SSPN: variants seen among roughly 807,000 people sequenced by gnomAD.
SSPN encodes sarcospan, also known as K-ras oncogene-associated protein.
Under a neutral mutation model 19.1 loss-of-function variants are expected in SSPN, and 15 were observed. That is an observed-to-expected ratio of 0.78 (90% CI 0.52 to 1.21). The LOEUF is 1.21. Among genes scored for constraint, SSPN ranks in the 50% most tolerant of loss-of-function variants. The pLI is 0.00. For missense variants in SSPN, 291 were observed against 314.0 expected (o/e 0.93, Z 0.55); for synonymous variants, 147 against 140.3 (o/e 1.05, Z -0.34).
chr12:26,124,732 A>T, intron 1 of SSPN: 1 of 1,614,184 alleles, frequency 6.2e-7, no homozygotes, highest in Non-Finnish European at 8.5e-7. Context: ...TAAAATCTCT[A>T]TGTTCCAGTA....
At chr12:26,140,309 T>C (rs868468312) in intron 1 of SSPN, among the ~76,000 whole-genome samples, 1 of 152,242 alleles carries the variant, frequency 6.6e-6, no homozygotes, top group Non-Finnish European at 1.5e-5. Context: ...AATTGAGCTC[T>C]GATTTTAAGG....
intron 1 of SSPN, among the ~76,000 whole-genome samples, chr12:26,213,867 G>A (rs183419250): frequency 3.3e-5 from 5 of 152,132 alleles, no homozygotes; most frequent in Middle Eastern, 3.4e-3. Context: ...TTTGTTTATG[G>A]TCTGCCTCTC....
intron 1 of SSPN, among the ~76,000 whole-genome samples, chr12:26,136,187 G>A (rs1360116531): frequency 1.3e-5 from 2 of 152,324 alleles, no homozygotes; most frequent in South Asian, 4.1e-4. Context: ...AAGTGTATGG[G>A]ATGACGTGTG....
intron 1 of SSPN, among the ~76,000 whole-genome samples, chr12:26,178,125 GT>G (rs1409415038): frequency 6.6e-6 from 1 of 152,204 alleles, no homozygotes; most frequent in Non-Finnish European, 1.5e-5. Context: ...AGAAAGCAAT[GT>G]GACTAGGGCA....
At chr12:26,159,070 G>C (rs1944572558) in intron 1 of SSPN, among the ~76,000 whole-genome samples, 1 of 152,244 alleles carries the variant, frequency 6.6e-6, no homozygotes, top group South Asian at 2.1e-4. Flanking sequence ...GGTCAGGAAA[G>C]GGACCTCTGC....
chr12:26,225,871 C>A (rs113843484), intron 2 of SSPN, among the ~76,000 whole-genome samples: 64 of 151,932 alleles, frequency 4.2e-4, no homozygotes, highest in Non-Finnish European at 8.7e-4. Flanking sequence ...GAAATACCCT[C>A]ATTTTCCCCC....
rs1202573288 is a variant in SSPN at position 26,234,687 on chromosome 12, G to A, written c.*3611G>A. 1 of 152,154 alleles carries A rather than the reference G, an allele frequency of 6.6e-6. No homozygotes were observed. Among genetic ancestry groups the A allele is most frequent in the Non-Finnish European group, 1.5e-5 (1 of 68,028 alleles). The allele number at this position is 152,154 out of a possible 1,614,324, so 9.4% of individuals were successfully genotyped here. ...GATCAAATAGCAAATACAAAATAAA[G>A]CATTTCTACATGTTTGAGGTGGTTG... On this transcript the variant is annotated 3_prime_UTR_variant, in exon 3 of 3. Coordinates refer to ENST00000242729, the MANE Select transcript of SSPN (RefSeq NM_005086.5).
upstream of SSPN, among the ~76,000 whole-genome samples, chr12:26,194,654 G>T (rs1412907547): frequency 6.6e-6 from 1 of 152,190 alleles, no homozygotes; most frequent in African/African-American, 2.4e-5. Context: ...AAAGTGTTGG[G>T]ATTACAGGCG....
At chr12:26,158,751 G>C (rs1464145510) in intron 1 of SSPN, among the ~76,000 whole-genome samples, 1 of 152,258 alleles carries the variant, frequency 6.6e-6, no homozygotes, top group Non-Finnish European at 1.5e-5. Flanking sequence ...GTGTCTAAGA[G>C]TCTCTGGCTT....
chr12:26,127,323 A>G (rs993004465), intron 1 of SSPN, among the ~76,000 whole-genome samples: 4 of 152,246 alleles, frequency 2.6e-5, no homozygotes, highest in Non-Finnish European at 5.9e-5. Flanking sequence ...TAGGAGGAAC[A>G]CGATCAGGAG....
chr12:26,218,718 T>C (rs1359383781), intron 1 of SSPN, among the ~76,000 whole-genome samples: 1 of 152,232 alleles, frequency 6.6e-6, no homozygotes, highest in African/African-American at 2.4e-5. Context: ...CAGCCTTTAA[T>C]TGATCCGTGT....
chr12:26,158,769 G>A (rs979709739), intron 1 of SSPN, among the ~76,000 whole-genome samples: 2 of 152,258 alleles, frequency 1.3e-5, no homozygotes, highest in South Asian at 4.1e-4. Flanking sequence ...CTTGCCAGCT[G>A]CACACAGTGG....
Position 26,181,504 on chromosome 12 carries a change from C to T in SSPN, c.-30-42789C>T, listed in dbSNP as rs1039915566. Reference sequence around the variant, plus strand: ...TCAGTGGTGGCTTAAAAAGGGAGCACGGTAAGAACTCATTCTAAAACCACA... The same window carrying T: ...TCAGTGGTGGCTTAAAAAGGGAGCATGGTAAGAACTCATTCTAAAACCACA... On this transcript the variant is annotated intron_variant, in intron 1 of 2. Transcript: ENST00000538142. Among the ~76,000 whole-genome samples the T allele has an allele frequency of 9.9e-5, 15 of 151,832 alleles. No homozygotes were observed. In the East Asian group the frequency reaches 1.3e-3, roughly 14 times the overall value.
chr12:26,176,561 T>G (rs1342164268), intron 1 of SSPN, among the ~76,000 whole-genome samples: 1 of 152,262 alleles, frequency 6.6e-6, no homozygotes, highest in Admixed American at 6.5e-5. Context: ...TGTGCGTCAC[T>G]GTACAGCTCC....
chr12:26,184,661 T>A (rs1384938094), intron 1 of SSPN, among the ~76,000 whole-genome samples: 1 of 152,220 alleles, frequency 6.6e-6, no homozygotes, highest in African/African-American at 2.4e-5. Flanking sequence ...GTGGTCTATA[T>A]AGTCAATATA....
At position 26,162,524 on chromosome 12, in the gene SSPN, C is replaced by T. The variant is rs536573208; in HGVS notation, c.-31+40372C>T. On this transcript the variant is annotated intron_variant, in intron 1 of 2. Coordinates refer to the SSPN transcript ENST00000538142. ...ACTAGAGATCTCTTCCCCAGTAGCCCTTCATGGAGCTGAGGAAAGTAAAGC... is the reference window on the plus strand; with the variant it reads ...ACTAGAGATCTCTTCCCCAGTAGCCTTTCATGGAGCTGAGGAAAGTAAAGC... Among the ~76,000 whole-genome samples the T allele has an allele frequency of 2.6e-5, 4 of 152,288 alleles. No individual in the cohort carries two copies. The South Asian group carries it at 8.3e-4, about 32-fold the overall frequency.
At chr12:26,202,085 T>C (rs1944890834) in intron 1 of SSPN, among the ~76,000 whole-genome samples, 1 of 152,194 alleles carries the variant, frequency 6.6e-6, no homozygotes, top group East Asian at 1.9e-4. Context: ...CTTTAAATCA[T>C]TTCTAGATTA....
intron 2 of SSPN, among the ~76,000 whole-genome samples, chr12:26,227,910 G>C (rs940375019): frequency 1.3e-5 from 2 of 152,102 alleles, no homozygotes; most frequent in African/African-American, 4.8e-5. Context: ...ATGGTCTTGG[G>C]CACATCTTTT....
chr12:26,168,214 G>GAA (rs60365188), intron 1 of SSPN, among the ~76,000 whole-genome samples: 4 of 117,550 alleles, frequency 3.4e-5, no homozygotes, highest in East Asian at 2.5e-4. Flanking sequence ...CCCTGTCTCA[G>GAA]AAAAAAAAAA....
Sources: allele counts gnomAD v4.1 joint callset (sites outside exome capture counted in the v4.1 genomes callset), GRCh38; gene constraint gnomAD v4.1.1; transcripts MANE v1.5; gene names NCBI Gene and HGNC (gene_info 2026-07-23, HGNC 2026-07-21).